The following SKAP2 variants were observed in gnomAD, a reference collection of about 807,000 sequenced individuals.
The protein encoded by SKAP2 is src kinase-associated phosphoprotein 2.
Under a neutral mutation model 54.9 loss-of-function variants are expected in SKAP2, and 28 were observed. That is an observed-to-expected ratio of 0.51 (90% CI 0.38 to 0.70). The LOEUF (loss-of-function observed/expected upper bound fraction) is 0.70, where lower values mean the gene tolerates loss of function less well. Ranked by LOEUF, SKAP2 falls within the 30% of genes least tolerant of loss-of-function variation. The pLI is 0.00. For missense variants in SKAP2, 356 were observed against 424.1 expected (o/e 0.84, Z 1.41); for synonymous variants, 137 against 134.3 (o/e 1.02, Z -0.14).
chr7:26,808,570 A>G (rs476098), intron 4 of SKAP2, among the ~76,000 whole-genome samples: 79,075 of 151,858 alleles, frequency 0.52, 21,230 homozygotes, highest in East Asian at 0.86. Context: ...CATTGTGAAT[A>G]TACTTAATGC....
Position 26,736,344 on chromosome 7 carries a change from A to G in SKAP2, c.469+2451T>C, listed in dbSNP as rs926034222. Among the ~76,000 whole-genome samples, 10 of 152,314 alleles carry G rather than the reference A, an allele frequency of 6.6e-5. No individual in the cohort carries two copies. The East Asian group carries it at 1.7e-3, about 26-fold the overall frequency. On this transcript the variant is annotated intron_variant, in intron 6 of 12. Coordinates refer to ENST00000345317, the MANE Select transcript of SKAP2 (RefSeq NM_003930.5). ...CACTGCTCATTATATGCTAATTATA[A>G]CGCATTAGCATGCTAAAAGACACTC...
Position 26,690,269 on chromosome 7 carries a change from C to G in SKAP2, c.874+16G>C. ...AAGCAAAATAAGGTTTGCCAAGAAG[C>G]TACACAAGTCATTACCTGAGGTGTG... On this transcript the variant is annotated intron_variant, in intron 10 of 12. Coordinates refer to ENST00000345317, the MANE Select transcript of SKAP2 (RefSeq NM_003930.5). 6.4e-7 allele frequency: 1 copy of G among 1,559,934 alleles called. No homozygotes were observed. Among genetic ancestry groups the G allele is most frequent in the Non-Finnish European group, 8.8e-7 (1 of 1,131,606 alleles).
At chr7:26,752,696 AG>A (rs1463479572) in intron 4 of SKAP2, among the ~76,000 whole-genome samples, 2 of 152,220 alleles carry the variant, frequency 1.3e-5, no homozygotes, top group Non-Finnish European at 2.9e-5. Flanking sequence ...TTTAACAAGC[AG>A]CCAGGCTGGG....
chr7:26,769,016 G>C (rs557591420), intron 4 of SKAP2, among the ~76,000 whole-genome samples: 12 of 152,142 alleles, frequency 7.9e-5, no homozygotes, highest in Non-Finnish European at 1.6e-4. Flanking sequence ...TTTCTAGGCT[G>C]GGGAAGTTCT....
chr7:26,818,702 C>A (rs1226787844), intron 4 of SKAP2, among the ~76,000 whole-genome samples: 1 of 152,080 alleles, frequency 6.6e-6, no homozygotes, highest in Non-Finnish European at 1.5e-5. Flanking sequence ...TATCCAGAAT[C>A]TACAAGGAAC....
chr7:26,811,239 T>C (rs911092596), intron 4 of SKAP2, among the ~76,000 whole-genome samples: 27 of 152,212 alleles, frequency 1.8e-4, no homozygotes, highest in African/African-American at 6.5e-4. Context: ...TGTGTAGCTT[T>C]GGGCAAATCA....
intron 11 of SKAP2, among the ~76,000 whole-genome samples, chr7:26,674,854 T>G (rs541538916): frequency 6.6e-6 from 1 of 152,220 alleles, no homozygotes; most frequent in African/African-American, 2.4e-5. Context: ...CCCTGAGTCA[T>G]GCTATAGTTA....
chr7:26,686,589 AATTTTAAAAGAAAAAAATC>A (rs1584330347), intron 10 of SKAP2, among the ~76,000 whole-genome samples: 3 of 152,328 alleles, frequency 2.0e-5, no homozygotes, highest in East Asian at 3.9e-4. Context: ...AAACATTGTC[AATTTTAAAAGAAAAAAATC>A]ACTTAATAAT....
intron 4 of SKAP2, among the ~76,000 whole-genome samples, chr7:26,819,992 A>T (rs1187776950): frequency 2.6e-5 from 4 of 152,014 alleles, no homozygotes; most frequent in Non-Finnish European, 5.9e-5. Flanking sequence ...TATTCATAAA[A>T]GTTAAAATAA....
chr7:26,730,142 A>G (rs926218484), intron 6 of SKAP2, among the ~76,000 whole-genome samples: 1 of 152,202 alleles, frequency 6.6e-6, no homozygotes, highest in African/African-American at 2.4e-5. Flanking sequence ...AGACATGGCT[A>G]TAAGACAACA....
intron 4 of SKAP2, among the ~76,000 whole-genome samples, chr7:26,757,710 GAA>G (rs1782826276): frequency 6.6e-6 from 1 of 152,170 alleles, no homozygotes; most frequent in African/African-American, 2.4e-5. Context: ...ATTCTGTGAA[GAA>G]AGTCATTGGT....
chr7:26,671,338 G>C (rs771299601), intron 11 of SKAP2, among the ~76,000 whole-genome samples: 18 of 152,032 alleles, frequency 1.2e-4, no homozygotes, highest in Non-Finnish European at 2.2e-4. Flanking sequence ...CTGAGTCATA[G>C]ATAAATGTGC....
At chr7:26,758,704 A>C (rs2127969854) in intron 4 of SKAP2, among the ~76,000 whole-genome samples, 1 of 152,346 alleles carries the variant, frequency 6.6e-6, no homozygotes, top group Non-Finnish European at 1.5e-5. Context: ...TTTCTTAAAA[A>C]AATTAAAGGA....
At chr7:26,810,686 T>C (rs1036675059) in intron 4 of SKAP2, among the ~76,000 whole-genome samples, 8 of 152,198 alleles carry the variant, frequency 5.3e-5, no homozygotes, top group African/African-American at 1.9e-4. Flanking sequence ...CATGTTTTTG[T>C]TTGTTTTTTT....
chr7:26,792,991 G>A (rs1783701314), intron 4 of SKAP2, among the ~76,000 whole-genome samples: 1 of 152,152 alleles, frequency 6.6e-6, no homozygotes. Flanking sequence ...CTCTCAGGAA[G>A]TTTTCTTCAT....
chr7:26,822,879 T>C (rs1268108805), intron 4 of SKAP2, among the ~76,000 whole-genome samples: 2 of 148,918 alleles, frequency 1.3e-5, no homozygotes, highest in Non-Finnish European at 3.0e-5. Context: ...CGAGACTCCG[T>C]CTCAAAAAAA....
At chr7:26,666,475 C>A (rs1333748781), downstream of SKAP2, among the ~76,000 whole-genome samples, 1 of 152,068 alleles carries the variant, frequency 6.6e-6, no homozygotes, top group Non-Finnish European at 1.5e-5. Flanking sequence ...TAAGAGTGAG[C>A]CTTTGTACAC....
intron 4 of SKAP2, among the ~76,000 whole-genome samples, chr7:26,812,243 T>C (rs528372571): frequency 6.6e-6 from 1 of 152,328 alleles, no homozygotes; most frequent in South Asian, 2.1e-4. Context: ...AATAGAGTGA[T>C]GGTCATATTA....
intron 4 of SKAP2, among the ~76,000 whole-genome samples, chr7:26,819,198 T>C (rs914393558): frequency 6.6e-6 from 1 of 151,882 alleles, no homozygotes; most frequent in Non-Finnish European, 1.5e-5. Context: ...ATAGACTGGA[T>C]AAAGAAAATG....
Sources: gnomAD v4.1 joint callset for allele counts (sites outside exome capture counted in the v4.1 genomes callset) on GRCh38, gnomAD v4.1.1 for gene constraint, MANE v1.5 for transcripts, NCBI Gene and HGNC (gene_info 2026-07-23, HGNC 2026-07-21) for gene names.